RORA: variants seen among roughly 807,000 people sequenced by gnomAD.
RORA encodes the protein RAR related orphan receptor A, also known as nuclear receptor ROR-alpha.
RORA carries 7 observed loss-of-function variants against 69.5 expected under a neutral mutation model. The ratio of observed to expected loss-of-function variants is 0.10; its 90% CI spans 0.06 to 0.19. The LOEUF (loss-of-function observed/expected upper bound fraction) is 0.19, where lower values mean the gene tolerates loss of function less well. RORA is among the 10% of genes least tolerant of loss of function. The probability of loss-of-function intolerance (pLI) is 1.00; values close to 1 mark genes in which losing one functional copy is unlikely to be tolerated. For synonymous variants in RORA, 261 were observed against 240.8 expected (o/e 1.08, Z -0.78); for missense variants, 457 against 663.0 (o/e 0.69, Z 3.41).
At chr15:60,904,664 A>G (rs1891481699) in intron 1 of RORA, among the ~76,000 whole-genome samples, 1 of 152,166 alleles carries the variant, frequency 6.6e-6, no homozygotes, top group African/African-American at 2.4e-5. Flanking sequence ...CTCTCACCAA[A>G]TTCTAAGACA....
chr15:61,059,592 C>T (rs1765979008), intron 1 of RORA, among the ~76,000 whole-genome samples: 1 of 152,062 alleles, frequency 6.6e-6, no homozygotes, highest in Admixed American at 6.5e-5. Context: ...ACGTTATTGC[C>T]ATTTCTATCA....
At chr15:61,005,626 G>A (rs1054894005) in intron 1 of RORA, among the ~76,000 whole-genome samples, 1 of 151,974 alleles carries the variant, frequency 6.6e-6, no homozygotes, top group African/African-American at 2.4e-5. Context: ...ACACATATAT[G>A]TATTATCCAT....
chr15:61,005,613 C>T (rs562613943), intron 1 of RORA, among the ~76,000 whole-genome samples: 1 of 152,160 alleles, frequency 6.6e-6, no homozygotes, highest in Non-Finnish European at 1.5e-5. Flanking sequence ...TATATACATA[C>T]ACACACATAT....
intron 5 of RORA, among the ~76,000 whole-genome samples, chr15:60,506,565 G>C (rs2065508331): frequency 6.6e-6 from 1 of 152,158 alleles, no homozygotes; most frequent in African/African-American, 2.4e-5. Flanking sequence ...AGAAAAGGAA[G>C]AGATTGGCTG....
intron 2 of RORA, among the ~76,000 whole-genome samples, chr15:60,644,141 G>A (rs1416535712): frequency 6.6e-6 from 1 of 152,158 alleles, no homozygotes; most frequent in Non-Finnish European, 1.5e-5. Context: ...AAAGCTCTTT[G>A]TAACATTTCT....
At chr15:60,516,952 A>G (rs899766639) in intron 3 of RORA, among the ~76,000 whole-genome samples, 4 of 151,726 alleles carry the variant, frequency 2.6e-5, no homozygotes, top group Non-Finnish European at 4.4e-5. Context: ...TGTTTAAAAA[A>G]GGAACTAAAG....
chr15:61,115,898 T>C (rs2079046254), intron 1 of RORA, among the ~76,000 whole-genome samples: 1 of 152,150 alleles, frequency 6.6e-6, no homozygotes, highest in Non-Finnish European at 1.5e-5. Context: ...TGTTTCGCAC[T>C]GGCAGAGAGG....
Position 60,531,684 on chromosome 15 carries a change from AAGACATAAGTGG to A in RORA, c.282+70_282+81del. 1.4e-6 allele frequency: 1 copy of A among 729,828 alleles called. No homozygotes were observed. The highest frequency in any genetic ancestry group is 2.3e-6 in the Non-Finnish European group (1 of 441,766). The allele number at this position is 729,828 out of a possible 1,614,324, so 45.2% of individuals were successfully genotyped here. A position where few individuals can be genotyped will look rare whatever the true frequency, so the allele number is the denominator to read the frequency against. ...TCAAAATTCTAAGGAGTTGAATTTT[AAGACATAAGTGG>A]AGACATACAAATCACAAAGATATAT... On this transcript the variant is annotated intron_variant, in intron 3 of 10. Coordinates refer to ENST00000335670, the MANE Select transcript of RORA (RefSeq NM_134261.3). This position sits in a 1 kb window ranked among gnomAD's most constrained non-coding sequence, Gnocchi z 4.8.
chr15:61,211,873 T>C (rs1165742028), intron 1 of RORA: 1 of 152,192 alleles, frequency 6.6e-6, no homozygotes, highest in East Asian at 1.9e-4. Context: ...CTGCTGCGTA[T>C]GTGAAAGTCC....
intron 2 of RORA, among the ~76,000 whole-genome samples, chr15:60,533,839 C>T (rs998925142): frequency 8.5e-5 from 13 of 152,244 alleles, no homozygotes; most frequent in African/African-American, 3.1e-4. Flanking sequence ...GGAGCTGCTT[C>T]TGTCCATGTC....
intron 2 of RORA, among the ~76,000 whole-genome samples, chr15:60,606,680 C>CA (rs2068954115): frequency 6.6e-6 from 1 of 152,018 alleles, no homozygotes; most frequent in Non-Finnish European, 1.5e-5. Flanking sequence ...GACTATGCAC[C>CA]AAAAATTGTA....
chr15:60,621,863 T>TA (rs1010611504), intron 2 of RORA, among the ~76,000 whole-genome samples: 13 of 151,650 alleles, frequency 8.6e-5, no homozygotes, highest in African/African-American at 3.1e-4. Context: ...GCCTGGCCAA[T>TA]ACGGTGAAAA....
intron 1 of RORA, among the ~76,000 whole-genome samples, chr15:60,932,328 G>A (rs1892397009): frequency 6.6e-6 from 1 of 152,116 alleles, no homozygotes; most frequent in African/African-American, 2.4e-5. Flanking sequence ...CACGATTAGG[G>A]CTGGGTCATT....
At chr15:61,143,156 T>C (rs570428891) in intron 1 of RORA, among the ~76,000 whole-genome samples, 1 of 152,232 alleles carries the variant, frequency 6.6e-6, no homozygotes, top group East Asian at 1.9e-4. Flanking sequence ...ATAAAGCTAG[T>C]ACACATAAAT....
intron 1 of RORA, among the ~76,000 whole-genome samples, chr15:60,709,034 A>G (rs1466298789): frequency 5.3e-5 from 8 of 152,222 alleles, no homozygotes; most frequent in Non-Finnish European, 1.0e-4. Flanking sequence ...TCCTGAGCCC[A>G]TGAGCATGGG....
intron 2 of RORA, among the ~76,000 whole-genome samples, chr15:60,562,105 TC>T (rs1250866435): frequency 6.6e-6 from 1 of 151,590 alleles, no homozygotes; most frequent in African/African-American, 2.4e-5. Flanking sequence ...CACCACCACA[TC>T]CGGCTAATTT....
intron 1 of RORA, among the ~76,000 whole-genome samples, chr15:60,712,110 A>G (rs763642412): frequency 2.0e-5 from 3 of 152,244 alleles, no homozygotes; most frequent in Non-Finnish European, 2.9e-5. Context: ...GATACTTTCA[A>G]ATGGGACTCA....
At chr15:60,528,484 G>C (rs561618563) in intron 3 of RORA, 2 of 152,172 alleles carry the variant, frequency 1.3e-5, no homozygotes, top group African/African-American at 4.8e-5. Flanking sequence ...ACTGCTTGAG[G>C]GAAAGATGTG....
At chr15:61,006,952 C>T (rs1211564664) in intron 1 of RORA, among the ~76,000 whole-genome samples, 1 of 151,970 alleles carries the variant, frequency 6.6e-6, no homozygotes, top group Non-Finnish European at 1.5e-5. Flanking sequence ...AAATTAAATT[C>T]CAGAATCTCA....
Sources: allele counts gnomAD v4.1 joint callset (sites outside exome capture counted in the v4.1 genomes callset), GRCh38; gene constraint gnomAD v4.1.1; non-coding constraint Gnocchi (gnomAD v3.1); transcripts MANE v1.5; gene names NCBI Gene and HGNC (gene_info 2026-07-23, HGNC 2026-07-21).